The following JPH3 variants were observed in gnomAD, a reference collection of about 807,000 sequenced individuals.
JPH3 encodes the protein junctophilin-3.
Under a neutral mutation model 59.6 loss-of-function variants are expected in JPH3, and 11 were observed. The observed-to-expected ratio is 0.18, with a 90% confidence interval of 0.12 to 0.31. The LOEUF (loss-of-function observed/expected upper bound fraction) is 0.31, where lower values mean the gene tolerates loss of function less well. Ranked by LOEUF, JPH3 falls within the 10% of genes least tolerant of loss-of-function variation. JPH3 has a pLI of 1.00. For missense variants in JPH3, 1,202 were observed against 1,105.7 expected, an observed-to-expected ratio of 1.09 and a Z score of -1.24; for synonymous variants, 673 against 483.6, an observed-to-expected ratio of 1.39 and a Z score of -5.14.
Position 87,689,996 on chromosome 16 carries a change from G to T in JPH3, c.1636G>T (p.Ala546Ser), listed in dbSNP as rs763905837. 1 of 1,497,592 alleles carries T rather than the reference G, an allele frequency of 6.7e-7. No individual in the cohort carries two copies. Among genetic ancestry groups the T allele is most frequent in the Non-Finnish European group, 8.9e-7 (1 of 1,123,774 alleles). The allele number at this position is 1,497,592 out of a possible 1,614,324, so 92.8% of individuals were successfully genotyped here. A position where few individuals can be genotyped will look rare whatever the true frequency, so the allele number is the denominator to read the frequency against. The part of the protein sequence containing the change: ...AGGSRGVRSG[A>S]LRGGLLVDDF... Reference sequence around the variant, plus strand: ...GGGCTCCAGGGGTGTCCGCAGCGGTGCCCTGCGCGGCGGCCTGCTCGTGGA... The same window carrying T: ...GGGCTCCAGGGGTGTCCGCAGCGGTTCCCTGCGCGGCGGCCTGCTCGTGGA... Residue 546 changes from alanine (A) to serine (S), a missense_variant, in exon 4 of 5, where the codon GCC becomes TCC. Physicochemically the swap from Ala to Ser is moderately conservative, Grantham distance 99 (BLOSUM62 1). Coordinates refer to ENST00000284262, the MANE Select transcript of JPH3 (RefSeq NM_020655.4).
chr16:87,652,589 G>A lies in JPH3; in HGVS notation c.1160+7554G>A, dbSNP rs1001331140. On this transcript the variant is annotated intron_variant, in intron 2 of 4. Coordinates refer to ENST00000284262, the MANE Select transcript of JPH3 (RefSeq NM_020655.4). ...AGTGATCCTCCTGCTTCCGCCTTCC[G>A]AGTAGCGTGTGGGGAGGGTGCACGC... 8.5e-5 allele frequency among the ~76,000 whole-genome samples: 13 copies of A among 152,214 alleles called. 1 individual carries two copies. Among genetic ancestry groups the A allele is most frequent in the Admixed American group, 5.9e-4 (9 of 15,280 alleles).
chr16:87,696,057 T>G (rs907892543), intron 4 of JPH3: 5 of 455,674 alleles, frequency 1.1e-5, no homozygotes, highest in African/African-American at 1.0e-4. Flanking sequence ...GAGGAAGGTG[T>G]GGTGAGGGGG....
In JPH3 at chr16:87,615,129, G is replaced by A. The variant is rs188682241; in HGVS notation, c.382+11601G>A. On this transcript the variant is annotated intron_variant, in intron 1 of 4. Coordinates refer to ENST00000284262, the MANE Select transcript of JPH3 (RefSeq NM_020655.4). ...GGTCCCTGCACACATGAGGGTTGGTGGCTCTCCTGAGGGTTCACAGGTTCC... is the reference window on the plus strand; with the variant it reads ...GGTCCCTGCACACATGAGGGTTGGTAGCTCTCCTGAGGGTTCACAGGTTCC... Among the ~76,000 whole-genome samples the A allele has an allele frequency of 6.3e-3, 958 of 152,390 alleles. 15 individuals are homozygous for A. The highest frequency in any genetic ancestry group is 0.021 in the African/African-American group (861 of 41,590).
intron 3 of JPH3, among the ~76,000 whole-genome samples, chr16:87,686,376 T>C (rs2033418405): frequency 7.4e-6 from 1 of 134,372 alleles, no homozygotes. Flanking sequence ...TCAGAGGAGA[T>C]GCTTCCCAGA....
chr16:87,690,383 G>A lies in JPH3; in HGVS notation c.2023G>A (p.Val675Met), dbSNP rs773555724. The A allele has an allele frequency of 2.6e-5, 39 of 1,528,196 alleles. No homozygotes were observed. Among genetic ancestry groups the A allele is most frequent in the Middle Eastern group, 1.7e-4 (1 of 5,780 alleles). The allele number at this position is 1,528,196 out of a possible 1,614,324, so 94.7% of individuals were successfully genotyped here. The change falls in exon 4 of 5, where the codon GTG (valine) becomes ATG (methionine). Residue 675 changes from valine to methionine, a missense_variant. Coordinates refer to ENST00000284262, the MANE Select transcript of JPH3 (RefSeq NM_020655.4). ...GCCGGCCTCCTCCGCGGAGCCCGCC[G>A]TGCAGAAACTGGCGAGCCTGCGGCT... ...FRPASSAEPA[V>M]QKLASLRLGG... is the part of the protein sequence containing the mutation.
chr16:87,632,216 G>A (rs1363296250), intron 1 of JPH3, among the ~76,000 whole-genome samples: 1 of 152,124 alleles, frequency 6.6e-6, no homozygotes, highest in East Asian at 1.9e-4. Flanking sequence ...TAGCAAGCAG[G>A]GTTTTTGGTT....
At chr16:87,673,948 T>C (rs984688743) in intron 2 of JPH3, among the ~76,000 whole-genome samples, 4 of 150,238 alleles carry the variant, frequency 2.7e-5, no homozygotes, top group Non-Finnish European at 5.9e-5. Context: ...TATAAATAAA[T>C]AATTTAAAAA....
At chr16:87,694,966 C>G (rs1357075823) in intron 4 of JPH3, 2 of 285,988 alleles carry the variant, frequency 7.0e-6, no homozygotes, top group African/African-American at 4.4e-5. Flanking sequence ...GGACAGCTGG[C>G]TCTGCTTCCA....
At chr16:87,634,829 TGA>T (rs1567590949) in intron 1 of JPH3, among the ~76,000 whole-genome samples, 1 of 152,252 alleles carries the variant, frequency 6.6e-6, no homozygotes. Flanking sequence ...TGGGACTGGC[TGA>T]GAGACGCTCT....
chr16:87,688,356 G>A (rs1006776862), intron 3 of JPH3, among the ~76,000 whole-genome samples: 1 of 152,240 alleles, frequency 6.6e-6, no homozygotes, highest in African/African-American at 2.4e-5. Flanking sequence ...CCAGCCTGGT[G>A]GCGTCGCAGC....
intron 2 of JPH3, among the ~76,000 whole-genome samples, chr16:87,669,744 C>T (rs1248376147): frequency 1.3e-5 from 2 of 152,142 alleles, no homozygotes; most frequent in Non-Finnish European, 2.9e-5. Context: ...TGGACCCAGG[C>T]AGAAAAAGAG....
intron 4 of JPH3, chr16:87,694,484 G>A (rs935379385): frequency 2.0e-5 from 3 of 152,240 alleles, no homozygotes; most frequent in Non-Finnish European, 4.4e-5. Flanking sequence ...GGGGACGGCA[G>A]GCTGCCATCC....
rs755426590 is a variant in JPH3 at position 87,644,372 on chromosome 16, C to G, written c.497C>G (p.Ser166Cys). The change falls in exon 2 of 5, where the codon TCC becomes TGC. Residue 166 changes from serine (S) to cysteine (C), a missense_variant. By Grantham distance (112) the Ser-to-Cys change is moderately radical. Coordinates refer to ENST00000284262, the MANE Select transcript of JPH3 (RefSeq NM_020655.4). Reference protein sequence around the residue: ...IRSPLRTSINSLRSEHTNGTA... With the variant: ...IRSPLRTSINCLRSEHTNGTA... ...TCACCCCTGAGGACGTCCATCAACT[C>G]CCTGCGCAGCGAGCACACCAACGGC... The G allele has an allele frequency of 1.2e-5, 19 of 1,612,930 alleles. No homozygotes were observed. In the East Asian group the frequency reaches 3.3e-4, roughly 28 times the overall value.
chr16:87,691,297 T>A (rs1227339226), intron 4 of JPH3, among the ~76,000 whole-genome samples: 3 of 152,136 alleles, frequency 2.0e-5, no homozygotes, highest in African/African-American at 7.2e-5. Flanking sequence ...GCTGCAGGAA[T>A]GAAGGGCTTT....
At chr16:87,641,010 C>T (rs2031931216) in intron 1 of JPH3, among the ~76,000 whole-genome samples, 1 of 152,224 alleles carries the variant, frequency 6.6e-6, no homozygotes, top group Non-Finnish European at 1.5e-5. Context: ...CCTGGAAGGG[C>T]GTTCGGGTGT....
At chr16:87,609,344 G>A (rs1168657781) in intron 1 of JPH3, among the ~76,000 whole-genome samples, 1 of 152,140 alleles carries the variant, frequency 6.6e-6, no homozygotes, top group Non-Finnish European at 1.5e-5. Flanking sequence ...TTGGCTCATT[G>A]CAACCTCTGC....
chr16:87,632,834 A>G (rs922760031), intron 1 of JPH3, among the ~76,000 whole-genome samples: 1 of 151,766 alleles, frequency 6.6e-6, no homozygotes, highest in African/African-American at 2.4e-5. Context: ...TGGAAGTTGC[A>G]GTGAGCTGAG....
At chr16:87,658,635 C>T (rs1285844210) in intron 2 of JPH3, among the ~76,000 whole-genome samples, 1 of 152,168 alleles carries the variant, frequency 6.6e-6, no homozygotes, top group Non-Finnish European at 1.5e-5. Context: ...GGGCAGGCCC[C>T]AGAGGCGTCC....
chr16:87,607,159 G>A (rs2030551591), intron 1 of JPH3, among the ~76,000 whole-genome samples: 1 of 152,188 alleles, frequency 6.6e-6, no homozygotes, highest in African/African-American at 2.4e-5. Context: ...ATGCACAGAC[G>A]GGCAAACCCA....
Sources: gnomAD v4.1 joint callset for allele counts (sites outside exome capture counted in the v4.1 genomes callset) on GRCh38, gnomAD v4.1.1 for gene constraint, MANE v1.5 for transcripts, NCBI Gene and HGNC (gene_info 2026-07-23, HGNC 2026-07-21) for gene names.